The following LRRC4C variants were observed in gnomAD, a reference collection of about 807,000 sequenced individuals.
LRRC4C encodes leucine rich repeat containing 4C.
In LRRC4C, 5 loss-of-function variants were observed where a neutral mutation model predicts 33.6. The ratio of observed to expected loss-of-function variants is 0.15; its 90% CI spans 0.08 to 0.31. LRRC4C has a LOEUF of 0.31. LRRC4C is among the 10% of genes least tolerant of loss of function. The pLI is 1.00. For synonymous variants in LRRC4C, 329 were observed against 302.0 expected (o/e 1.09, Z -0.93); for missense variants, 560 against 796.7 (o/e 0.70, Z 3.58).
chr11:40,792,717 G>T (rs1048258418), intron 2 of LRRC4C, among the ~76,000 whole-genome samples: 2 of 152,072 alleles, frequency 1.3e-5, no homozygotes, highest in Non-Finnish European at 2.9e-5. Flanking sequence ...ATTCACAATA[G>T]CAAAGATTTG....
chr11:40,959,733 C>T (rs1310074327), intron 1 of LRRC4C, among the ~76,000 whole-genome samples: 1 of 151,626 alleles, frequency 6.6e-6, no homozygotes, highest in East Asian at 1.9e-4. Flanking sequence ...GCACAGTGCT[C>T]TAGCAAAAGT....
chr11:41,034,788 T>C (rs987537600), intron 1 of LRRC4C, among the ~76,000 whole-genome samples: 10 of 149,814 alleles, frequency 6.7e-5, no homozygotes. Flanking sequence ...GTTTTTGTTC[T>C]CAGTTTCTAT....
In LRRC4C at chr11:41,168,574, G is replaced by A. The variant is rs74779760; in HGVS notation, c.-495-234851C>T. On this transcript the variant is annotated intron_variant, in intron 1 of 6. Coordinates refer to ENST00000528697, the MANE Select transcript of LRRC4C (RefSeq NM_001258419.2). ...TCATCAACCAAACAATTCATATAAG[G>A]TGAAGACAGGATAGGCCTTTGTAGC... Among the ~76,000 whole-genome samples the A allele has an allele frequency of 7.2e-3, 1,102 of 152,210 alleles. 9 individuals are homozygous for A. Among genetic ancestry groups the A allele is most frequent in the African/African-American group, 0.025 (1,029 of 41,544 alleles).
chr11:40,300,393 G>C (rs1282915431), intron 4 of LRRC4C, among the ~76,000 whole-genome samples: 1 of 152,166 alleles, frequency 6.6e-6, no homozygotes, highest in Admixed American at 6.5e-5. Flanking sequence ...GCAGCCAGAG[G>C]ACAAAGAACA....
chr11:40,553,671 G>A lies in LRRC4C; in HGVS notation c.-270+94471C>T, dbSNP rs115051682. Reference sequence around the variant, plus strand: ...AGCTTTAGATTTGCATTTATCTGATGATTAGTGATGTTGAGAATTTTGTCA... The same window carrying A: ...AGCTTTAGATTTGCATTTATCTGATAATTAGTGATGTTGAGAATTTTGTCA... On this transcript the variant is annotated intron_variant, in intron 3 of 6. Coordinates refer to ENST00000528697, the MANE Select transcript of LRRC4C (RefSeq NM_001258419.2). Among the ~76,000 whole-genome samples, 210 of 152,262 alleles carry A rather than the reference G, an allele frequency of 1.4e-3. 1 individual carries two copies. The highest frequency in any genetic ancestry group is 4.9e-3 in the African/African-American group (202 of 41,554).
chr11:40,443,071 A>G (rs1177760241), intron 3 of LRRC4C, among the ~76,000 whole-genome samples: 1 of 152,190 alleles, frequency 6.6e-6, no homozygotes, highest in African/African-American at 2.4e-5. Flanking sequence ...CTCCACAGAT[A>G]TTTTTATGAT....
chr11:40,128,075 G>A (rs935702717), intron 6 of LRRC4C, among the ~76,000 whole-genome samples: 13 of 101,352 alleles, frequency 1.3e-4, no homozygotes, highest in African/African-American at 4.2e-4. Context: ...AAAATGCCCC[G>A]GAGGGTTGGT....
chr11:40,409,836 A>G (rs1950092669), intron 3 of LRRC4C, among the ~76,000 whole-genome samples: 1 of 152,092 alleles, frequency 6.6e-6, no homozygotes, highest in Admixed American at 6.6e-5. Context: ...TCCTCAAAGA[A>G]TTGAAAATGG....
chr11:40,125,109 T>C (rs1856116568), intron 6 of LRRC4C, among the ~76,000 whole-genome samples: 1 of 152,166 alleles, frequency 6.6e-6, no homozygotes, highest in African/African-American at 2.4e-5. Context: ...AAGCAAAGAT[T>C]GATAGTACCA....
chr11:41,368,373 C>T (rs1952621239), intron 1 of LRRC4C, among the ~76,000 whole-genome samples: 1 of 152,168 alleles, frequency 6.6e-6, no homozygotes, highest in African/African-American at 2.4e-5. Flanking sequence ...TCCCACAAGA[C>T]TTGAATAGAA....
chr11:40,675,227 A>G (rs1944338157), intron 2 of LRRC4C, among the ~76,000 whole-genome samples: 1 of 152,222 alleles, frequency 6.6e-6, no homozygotes, highest in Non-Finnish European at 1.5e-5. Context: ...GCCAAGTTGC[A>G]ATCAGAAAGT....
At chr11:41,202,321 T>C (rs1946431151) in intron 1 of LRRC4C, among the ~76,000 whole-genome samples, 1 of 152,208 alleles carries the variant, frequency 6.6e-6, no homozygotes, top group Non-Finnish European at 1.5e-5. Flanking sequence ...CTCTGCATTA[T>C]GTACCCACAT....
At chr11:40,467,994 A>G (rs1029047033) in intron 3 of LRRC4C, among the ~76,000 whole-genome samples, 1 of 152,216 alleles carries the variant, frequency 6.6e-6, no homozygotes, top group Non-Finnish European at 1.5e-5. Context: ...GCAGGCCAGC[A>G]TTCCAGTGGA....
intron 3 of LRRC4C, among the ~76,000 whole-genome samples, chr11:40,348,536 C>A (rs1947240215): frequency 6.6e-6 from 1 of 152,110 alleles, no homozygotes; most frequent in African/African-American, 2.4e-5. Flanking sequence ...CTATTGCTGT[C>A]ACTCTTGCTC....
intron 3 of LRRC4C, among the ~76,000 whole-genome samples, chr11:40,410,313 A>G (rs941311313): frequency 6.6e-6 from 1 of 152,136 alleles, no homozygotes; most frequent in Admixed American, 6.6e-5. Context: ...TTATGTCAAC[A>G]TGCAATCAAT....
intron 2 of LRRC4C, among the ~76,000 whole-genome samples, chr11:40,683,194 T>C (rs1409661478): frequency 6.6e-6 from 1 of 152,188 alleles, no homozygotes; most frequent in Non-Finnish European, 1.5e-5. Context: ...TAAAAAATTA[T>C]GGCAATGCTG....
intron 2 of LRRC4C, among the ~76,000 whole-genome samples, chr11:40,885,496 G>C (rs1396977148): frequency 6.6e-6 from 1 of 151,952 alleles, no homozygotes; most frequent in Non-Finnish European, 1.5e-5. Context: ...TTAAAAGATA[G>C]TTCATCCATT....
At chr11:40,229,282 TA>T (rs1038000491) in intron 5 of LRRC4C, among the ~76,000 whole-genome samples, 6 of 151,756 alleles carry the variant, frequency 4.0e-5, no homozygotes, top group South Asian at 4.2e-4. Context: ...TATATATATA[TA>T]TTTTTTTGAG....
intron 3 of LRRC4C, among the ~76,000 whole-genome samples, chr11:40,567,430 C>T (rs1157500553): frequency 1.3e-5 from 2 of 152,136 alleles, no homozygotes; most frequent in African/African-American, 2.4e-5. Flanking sequence ...CTCTTTTAAT[C>T]CTTCCAACAG....
Sources: allele counts gnomAD v4.1 joint callset (sites outside exome capture counted in the v4.1 genomes callset), GRCh38; gene constraint gnomAD v4.1.1; transcripts MANE v1.5; gene names NCBI Gene and HGNC (gene_info 2026-07-23, HGNC 2026-07-21).